Variants in PREX1 observed in about 807,000 individuals in gnomAD.
PREX1 encodes the protein phosphatidylinositol-3,4,5-trisphosphate dependent Rac exchange factor 1.
A neutral mutation model predicts 198.3 loss-of-function variants in PREX1; 41 were observed. That is an observed-to-expected ratio of 0.21 (90% CI 0.16 to 0.27). The LOEUF is 0.27. Ranked by LOEUF, PREX1 falls within the 10% of genes least tolerant of loss-of-function variation. The pLI, the probability that PREX1 is intolerant of heterozygous loss-of-function variation, is 1.00. For synonymous variants in PREX1, 843 were observed against 887.2 expected, an observed-to-expected ratio of 0.95 and a Z score of 0.89; for missense variants, 1,620 against 2,200.7, an observed-to-expected ratio of 0.74 and a Z score of 5.28.
intron 21 of PREX1, 72 bp downstream of exon 21, chr20:48,652,514 A>G (rs2089507015): frequency 6.7e-7 from 1 of 1,498,818 alleles, no homozygotes; most frequent in African/African-American, 1.4e-5. Flanking sequence ...AGGGGACAAC[A>G]GGAGAGGACC....
chr20:48,773,342 T>C (rs2090245752), intron 1 of PREX1, among the ~76,000 whole-genome samples: 1 of 150,878 alleles, frequency 6.6e-6, no homozygotes, highest in African/African-American at 2.4e-5. Flanking sequence ...CTTCTCATCC[T>C]GGCATCTAGC....
At chr20:48,847,784 C>T in the PREX1 span, among the ~76,000 whole-genome samples, 1 of 152,230 alleles carries the variant, frequency 6.6e-6, no homozygotes, top group African/African-American at 2.4e-5. Context: ...AGAAATTTCC[C>T]CCGGGTCCCC....
Position 48,649,565 on chromosome 20 carries a change from G to T in PREX1, c.3040C>A (p.Pro1014Thr). ...ATGCAGTGCTGGGTGTACGACATGG[G>T]GTTCAGGTGGCCTGCAGTGGAGGAA... ...GLDPEQGHLN[P>T]MSYTQHCITT... Residue 1014 changes from proline (P) to threonine (T), a missense_variant, in exon 25 of 40, where the codon CCC becomes ACC. Around this residue, in one of 7 missense-constraint regions of PREX1, gnomAD observed 514 missense variants for 611.6 expected, o/e 0.84. Transcript: ENST00000371941. The T allele has an allele frequency of 6.3e-7, 1 of 1,595,654 alleles. No individual in the cohort carries two copies. Among genetic ancestry groups the T allele is most frequent in the Non-Finnish European group, 8.5e-7 (1 of 1,170,060 alleles).
intron 5 of PREX1, among the ~76,000 whole-genome samples, chr20:48,709,168 A>G (rs1177339735): frequency 6.6e-6 from 1 of 152,170 alleles, no homozygotes; most frequent in Non-Finnish European, 1.5e-5. Context: ...GGGACTTGAG[A>G]TATCAAGGAA....
intron 1 of PREX1, among the ~76,000 whole-genome samples, chr20:48,754,055 A>G (rs2090145960): frequency 6.6e-6 from 1 of 152,218 alleles, no homozygotes; most frequent in Non-Finnish European, 1.5e-5. Context: ...GGTGCTCAAG[A>G]GAGACTGGTA....
intron 18 of PREX1, 135 bp from the exon 19 acceptor site, chr20:48,655,510 A>G (rs2089536102): frequency 2.9e-6 from 2 of 684,362 alleles, no homozygotes; most frequent in Non-Finnish European, 4.7e-6. Flanking sequence ...TAGTAGCACC[A>G]CCAGGCTTTC....
At chr20:48,812,679 G>A (rs1156501215) in intron 1 of PREX1, among the ~76,000 whole-genome samples, 1 of 152,122 alleles carries the variant, frequency 6.6e-6, no homozygotes, top group Admixed American at 6.5e-5. Context: ...TCTAAGAAGA[G>A]GGCACTATTT....
intron 5 of PREX1, among the ~76,000 whole-genome samples, chr20:48,719,500 G>A (rs968696224): frequency 9.9e-5 from 15 of 152,174 alleles, no homozygotes; most frequent in African/African-American, 3.6e-4. Flanking sequence ...GGGGGCTGCA[G>A]TGAAGAGATC....
rs1386394863 is a variant in PREX1 at position 48,827,588 on chromosome 20, G to C, written c.219+54C>G. 8.5e-7 allele frequency: 1 copy of C among 1,173,430 alleles called. No homozygotes were observed. The highest frequency in any genetic ancestry group is 1.6e-5 in the African/African-American group (1 of 62,114). 72.7% of individuals were successfully genotyped at this position (1,173,430 alleles called of 1,614,324 possible). On this transcript the variant is annotated intron_variant, in intron 1 of 39. Transcript: ENST00000371941. This position sits in a 1 kb window ranked among gnomAD's most constrained non-coding sequence, Gnocchi z 4.1. The stretch of plus-strand genomic sequence containing the variant: ...ACGGCCACAGGTTGTGGGGACCGCA[G>C]CGGGGCGAGCGGCTGGAGGGAAAGC...
chr20:48,840,339 CAAAAAAA>C, the PREX1 span, among the ~76,000 whole-genome samples: 3 of 111,660 alleles, frequency 2.7e-5, no homozygotes, highest in African/African-American at 6.7e-5. Flanking sequence ...TAACCTTAAC[CAAAAAAA>C]AAAAAAAAGA....
the PREX1 span, among the ~76,000 whole-genome samples, chr20:48,882,346 C>CA: frequency 2.6e-5 from 4 of 151,410 alleles, no homozygotes; most frequent in East Asian, 1.9e-4. Flanking sequence ...ACTAAAAATA[C>CA]AAAAAATTAG....
chr20:48,687,741 C>T (rs568036463), intron 10 of PREX1, among the ~76,000 whole-genome samples: 1 of 152,314 alleles, frequency 6.6e-6, no homozygotes, highest in South Asian at 2.1e-4. Context: ...AACAGCCTGA[C>T]CATTTTACAA....
chr20:48,881,424 C>T, the PREX1 span, among the ~76,000 whole-genome samples: 7 of 151,782 alleles, frequency 4.6e-5, no homozygotes, highest in African/African-American at 1.7e-4. Flanking sequence ...GCCTTTGTAT[C>T]TACTGTCCTT....
At chr20:48,799,380 G>A (rs1182318035) in intron 1 of PREX1, among the ~76,000 whole-genome samples, 3 of 152,160 alleles carry the variant, frequency 2.0e-5, no homozygotes, top group Admixed American at 6.5e-5. Context: ...GCCTGGAAGA[G>A]GAAAACGTTC....
At chr20:48,744,335 C>T (rs575768821) in intron 3 of PREX1, among the ~76,000 whole-genome samples, 62 of 152,200 alleles carry the variant, frequency 4.1e-4, no homozygotes, top group African/African-American at 1.3e-3. Flanking sequence ...AGGAGGTATA[C>T]GGAATTGTCC....
At chr20:48,698,907 G>A (rs1354295887) in intron 7 of PREX1, among the ~76,000 whole-genome samples, 3 of 152,362 alleles carry the variant, frequency 2.0e-5, no homozygotes, top group East Asian at 1.9e-4. Context: ...TTTTACGGAT[G>A]AGGAAACTGA....
the PREX1 span, among the ~76,000 whole-genome samples, chr20:48,881,730 C>T: frequency 6.6e-6 from 1 of 152,142 alleles, no homozygotes; most frequent in Non-Finnish European, 1.5e-5. Context: ...TATGATCTGC[C>T]CACCTTGCCC....
At chr20:48,721,077 A>G (rs1568838764) in intron 5 of PREX1, among the ~76,000 whole-genome samples, 1 of 152,240 alleles carries the variant, frequency 6.6e-6, no homozygotes, top group Non-Finnish European at 1.5e-5. Context: ...ATACTTGGAC[A>G]TAAGTAACTT....
At chr20:48,824,399 A>C (rs2090500084) in intron 1 of PREX1, among the ~76,000 whole-genome samples, 1 of 152,082 alleles carries the variant, frequency 6.6e-6, no homozygotes, top group South Asian at 2.1e-4. Flanking sequence ...AAGGAAACTC[A>C]CTCAGAGCCC....
Sources: allele counts gnomAD v4.1 joint callset (sites outside exome capture counted in the v4.1 genomes callset), GRCh38; gene constraint gnomAD v4.1.1; regional missense constraint gnomAD v4.1.1; non-coding constraint Gnocchi (gnomAD v3.1); transcripts MANE v1.5; gene names NCBI Gene and HGNC (gene_info 2026-07-23, HGNC 2026-07-21).